Variants in PKNOX2 observed in about 807,000 individuals in gnomAD.
The protein encoded by PKNOX2 is PBX/knotted 1 homeobox 2.
PKNOX2 carries 14 observed loss-of-function variants against 53.1 expected under a neutral mutation model. The ratio of observed to expected loss-of-function variants is 0.26; its 90% CI spans 0.17 to 0.41. The LOEUF (loss-of-function observed/expected upper bound fraction) is 0.41. Ranked by LOEUF, PKNOX2 falls within the 10% of genes least tolerant of loss-of-function variation. The probability of loss-of-function intolerance (pLI) is 1.00; values close to 1 mark genes in which losing one functional copy is unlikely to be tolerated. For missense variants in PKNOX2, 496 were observed against 602.8 expected (o/e 0.82, Z 1.85); for synonymous variants, 257 against 242.8 (o/e 1.06, Z -0.54).
At chr11:125,253,175 A>G (rs1944134458) in intron 2 of PKNOX2, among the ~76,000 whole-genome samples, 1 of 152,214 alleles carries the variant, frequency 6.6e-6, no homozygotes, top group Non-Finnish European at 1.5e-5. Context: ...TCGTGGTGAT[A>G]GCAATAAAAA....
chr11:125,380,596 C>G (rs911703080), intron 5 of PKNOX2, among the ~76,000 whole-genome samples: 10 of 152,228 alleles, frequency 6.6e-5, no homozygotes, highest in African/African-American at 2.4e-4. Flanking sequence ...TGCTTCTAGC[C>G]CATGGAGGAT....
chr11:125,353,800 C>T (rs1951445553), intron 4 of PKNOX2, among the ~76,000 whole-genome samples: 1 of 152,220 alleles, frequency 6.6e-6, no homozygotes, highest in Non-Finnish European at 1.5e-5. Flanking sequence ...ATGTCAGGGT[C>T]TTTACGGCCT....
chr11:125,253,308 G>A (rs1463619442), intron 2 of PKNOX2, among the ~76,000 whole-genome samples: 2 of 152,148 alleles, frequency 1.3e-5, no homozygotes, highest in Admixed American at 1.3e-4. Flanking sequence ...GTCATAAAGA[G>A]GAGGAAACAG....
At chr11:125,366,162 A>C (rs1952178888) in intron 4 of PKNOX2, among the ~76,000 whole-genome samples, 1 of 152,214 alleles carries the variant, frequency 6.6e-6, no homozygotes, top group African/African-American at 2.4e-5. Flanking sequence ...ACTGATGAGA[A>C]AATAGGAGCT....
At chr11:125,210,002 G>C (rs1454251868) in intron 1 of PKNOX2, among the ~76,000 whole-genome samples, 2 of 152,124 alleles carry the variant, frequency 1.3e-5, no homozygotes, top group African/African-American at 4.8e-5. Context: ...ACCATCACTG[G>C]AGGTGAAGCA....
intron 10 of PKNOX2, among the ~76,000 whole-genome samples, chr11:125,417,714 G>A (rs1591565721): frequency 6.6e-6 from 1 of 152,040 alleles, no homozygotes; most frequent in East Asian, 1.9e-4. Context: ...CCCAGCAGAG[G>A]CGTGGAGCCC....
chr11:125,340,527 G>A (rs1404813297), intron 3 of PKNOX2, among the ~76,000 whole-genome samples: 3 of 152,160 alleles, frequency 2.0e-5, no homozygotes, highest in Non-Finnish European at 4.4e-5. Context: ...CCGTAATGCC[G>A]ACACCATCTG....
intron 2 of PKNOX2, among the ~76,000 whole-genome samples, chr11:125,290,854 C>T (rs994855803): frequency 4.0e-5 from 6 of 151,770 alleles, no homozygotes; most frequent in African/African-American, 9.7e-5. Flanking sequence ...AGGAGGGTGC[C>T]GAGCTCCACT....
chr11:125,312,971 C>T (rs190776423), intron 2 of PKNOX2, among the ~76,000 whole-genome samples: 3 of 152,072 alleles, frequency 2.0e-5, no homozygotes, highest in Admixed American at 6.6e-5. Flanking sequence ...GCTCGCATGC[C>T]GTGTGAAAGG....
At chr11:125,205,954 AATGAGTG>A (rs1939047164) in intron 1 of PKNOX2, among the ~76,000 whole-genome samples, 1 of 152,124 alleles carries the variant, frequency 6.6e-6, no homozygotes, top group Non-Finnish European at 1.5e-5. Flanking sequence ...TTAATCACTG[AATGAGTG>A]GCACAGATTC....
chr11:125,205,892 A>G (rs1338954419), intron 1 of PKNOX2, among the ~76,000 whole-genome samples: 2 of 152,162 alleles, frequency 1.3e-5, no homozygotes, highest in African/African-American at 2.4e-5. Context: ...TAAAAGTTAA[A>G]TAATAATGAA....
chr11:125,304,253 C>T (rs1279432966), intron 2 of PKNOX2, among the ~76,000 whole-genome samples: 1 of 152,238 alleles, frequency 6.6e-6, no homozygotes, highest in African/African-American at 2.4e-5. Context: ...CCAGCTCTGG[C>T]CCTGAAAAGA....
intron 10 of PKNOX2, among the ~76,000 whole-genome samples, chr11:125,421,234 G>A (rs78257919): frequency 0.029 from 4,477 of 152,232 alleles, 98 homozygotes; most frequent in Non-Finnish European, 0.049. Flanking sequence ...ACACTCGAGT[G>A]GCTCAAGAGC....
intron 5 of PKNOX2, among the ~76,000 whole-genome samples, chr11:125,378,195 G>A (rs1309306429): frequency 2.0e-5 from 3 of 152,238 alleles, no homozygotes; most frequent in African/African-American, 7.2e-5. Context: ...TTTCTGGAAA[G>A]GCGAACTTTT....
intron 6 of PKNOX2, among the ~76,000 whole-genome samples, chr11:125,397,370 A>G (rs7119231): frequency 0.38 from 57,792 of 152,160 alleles, 12,174 homozygotes; most frequent in African/African-American, 0.57. Flanking sequence ...TCTGATCTCC[A>G]TCTTCCTCAG....
At chr11:125,407,752 A>C (rs559398968) in intron 7 of PKNOX2, among the ~76,000 whole-genome samples, 114 of 63,414 alleles carry the variant, frequency 1.8e-3, no homozygotes, top group South Asian at 0.011. Flanking sequence ...AAAAACAAAC[A>C]AAAAAAAAAG....
chr11:125,208,660 G>A (rs750083661), intron 1 of PKNOX2, among the ~76,000 whole-genome samples: 1 of 152,028 alleles, frequency 6.6e-6, no homozygotes, highest in South Asian at 2.1e-4. Context: ...GAATGTGTGG[G>A]GTCTGGGTTG....
chr11:125,381,150 G>A (rs1256610830), intron 5 of PKNOX2, among the ~76,000 whole-genome samples: 2 of 152,196 alleles, frequency 1.3e-5, no homozygotes, highest in Non-Finnish European at 2.9e-5. Flanking sequence ...CCAGGTGGAT[G>A]GAGCATGGGA....
chr11:125,381,250 G>T (rs930394993), intron 5 of PKNOX2, among the ~76,000 whole-genome samples: 2 of 152,118 alleles, frequency 1.3e-5, no homozygotes, highest in African/African-American at 4.8e-5. Flanking sequence ...AGAGCAACAG[G>T]GCTCTGGGAT....
Sources: gnomAD v4.1 joint callset for allele counts (sites outside exome capture counted in the v4.1 genomes callset) on GRCh38, gnomAD v4.1.1 for gene constraint, MANE v1.5 for transcripts, NCBI Gene and HGNC (gene_info 2026-07-23, HGNC 2026-07-21) for gene names.